Variants in ZNF385D observed in about 807,000 individuals in gnomAD.
ZNF385D encodes the protein zinc finger protein 659.
ZNF385D carries 15 observed loss-of-function variants against 35.8 expected under a neutral mutation model. The observed-to-expected ratio is 0.42, with a 90% CI of 0.28 to 0.64. The LOEUF (loss-of-function observed/expected upper bound fraction) is 0.64. Among genes scored for constraint, ZNF385D ranks in the 30% least tolerant of loss-of-function variants. ZNF385D has a pLI of 0.23. For synonymous variants in ZNF385D, 212 were observed against 186.8 expected, an observed-to-expected ratio of 1.13 and a Z score of -1.10; for missense variants, 474 against 494.6, an observed-to-expected ratio of 0.96 and a Z score of 0.39.
intron 3 of ZNF385D, among the ~76,000 whole-genome samples, chr3:22,106,926 T>C: frequency 6.6e-6 from 1 of 152,130 alleles, no homozygotes; most frequent in South Asian, 2.1e-4. Flanking sequence ...TAGTTATGGT[T>C]AGTTGCTGCT....
At chr3:21,844,722 C>A (rs1258714260) in intron 3 of ZNF385D, among the ~76,000 whole-genome samples, 1 of 151,936 alleles carries the variant, frequency 6.6e-6, no homozygotes, top group African/African-American at 2.4e-5. Flanking sequence ...TTACAATCAG[C>A]AAAATTGCAC....
intron 1 of ZNF385D, among the ~76,000 whole-genome samples, chr3:21,746,595 C>T (rs2069780944): frequency 6.6e-6 from 1 of 152,194 alleles, no homozygotes; most frequent in Admixed American, 6.5e-5. Flanking sequence ...ATGGTCAGGA[C>T]TTCACGCTTT....
intron 5 of ZNF385D, among the ~76,000 whole-genome samples, chr3:21,435,674 A>G (rs1163459792): frequency 6.6e-6 from 1 of 152,202 alleles, no homozygotes; most frequent in Non-Finnish European, 1.5e-5. Flanking sequence ...ATGACCAAGG[A>G]TTCTTGGGAA....
intron 2 of ZNF385D, among the ~76,000 whole-genome samples, chr3:22,259,835 G>T (rs1366641101): frequency 2.1e-5 from 3 of 144,652 alleles, no homozygotes; most frequent in Admixed American, 6.9e-5. Flanking sequence ...ACATAGTGAG[G>T]AAAAAAAAAA....
intron 3 of ZNF385D, among the ~76,000 whole-genome samples, chr3:21,527,058 A>C (rs1049763233): frequency 7.9e-5 from 12 of 152,210 alleles, no homozygotes; most frequent in African/African-American, 2.7e-4. Flanking sequence ...GATGTAGAAA[A>C]TCTTAAAAGT....
chr3:21,936,426 T>C (rs1701261830), intron 3 of ZNF385D, among the ~76,000 whole-genome samples: 1 of 151,992 alleles, frequency 6.6e-6, no homozygotes, highest in Admixed American at 6.6e-5. Flanking sequence ...CATTGTTCTG[T>C]GCAAAGCAGC....
chr3:22,078,152 C>A (rs568170815), intron 3 of ZNF385D, among the ~76,000 whole-genome samples: 2 of 151,918 alleles, frequency 1.3e-5, no homozygotes, highest in African/African-American at 4.8e-5. Flanking sequence ...TTATCGGAAA[C>A]GTCAAACTGG....
At chr3:21,507,539 TAG>T (rs1706871024) in intron 4 of ZNF385D, among the ~76,000 whole-genome samples, 2 of 152,212 alleles carry the variant, frequency 1.3e-5, no homozygotes, top group African/African-American at 4.8e-5. Context: ...TCTTTGATTC[TAG>T]AGTCTTATCT....
chr3:21,987,265 G>A (rs1396071183), intron 3 of ZNF385D, among the ~76,000 whole-genome samples: 13 of 138,980 alleles, frequency 9.4e-5, no homozygotes, highest in Non-Finnish European at 1.7e-4. Flanking sequence ...TCCTAGTCTC[G>A]ATGGTCTTTA....
intron 3 of ZNF385D, among the ~76,000 whole-genome samples, chr3:21,937,188 C>A (rs1701305062): frequency 6.6e-6 from 1 of 151,848 alleles, no homozygotes; most frequent in Non-Finnish European, 1.5e-5. Flanking sequence ...GTATGATATA[C>A]ACTATTTTTT....
intron 2 of ZNF385D, among the ~76,000 whole-genome samples, chr3:22,224,232 T>C (rs920207162): frequency 3.3e-5 from 5 of 152,300 alleles, no homozygotes; most frequent in Admixed American, 6.5e-5. Context: ...TGTTATTTCA[T>C]CCATGAAAAG....
intron 3 of ZNF385D, among the ~76,000 whole-genome samples, chr3:21,920,440 C>T (rs8179942): frequency 0.53 from 81,077 of 151,622 alleles, 23,708 homozygotes; most frequent in South Asian, 0.66. Context: ...ACTTAATGTA[C>T]AGATATTACA....
intron 3 of ZNF385D, among the ~76,000 whole-genome samples, chr3:21,767,801 C>A (rs1457505000): frequency 6.6e-6 from 1 of 151,932 alleles, no homozygotes; most frequent in African/African-American, 2.4e-5. Context: ...ACAAATATGA[C>A]CGTTCTTTTG....
intron 2 of ZNF385D, among the ~76,000 whole-genome samples, chr3:22,250,300 T>C (rs1699997783): frequency 6.6e-6 from 1 of 152,158 alleles, no homozygotes; most frequent in African/African-American, 2.4e-5. Context: ...TATTTATTTT[T>C]CTAATTTTGA....
intron 1 of ZNF385D, among the ~76,000 whole-genome samples, chr3:21,746,397 T>C (rs1161930815): frequency 1.3e-5 from 2 of 152,224 alleles, no homozygotes; most frequent in Admixed American, 6.5e-5. Context: ...GCTTTTAAAA[T>C]AGGAACTTCA....
chr3:22,014,067 T>C (rs1696733636), intron 3 of ZNF385D, among the ~76,000 whole-genome samples: 1 of 152,086 alleles, frequency 6.6e-6, no homozygotes, highest in Non-Finnish European at 1.5e-5. Flanking sequence ...GAAGAAATCT[T>C]TGAGGAAAAT....
At chr3:22,321,171 T>G (rs988968902) in intron 2 of ZNF385D, among the ~76,000 whole-genome samples, 1 of 147,972 alleles carries the variant, frequency 6.8e-6, no homozygotes, top group African/African-American at 2.5e-5. Context: ...CTTGTTTTTT[T>G]TTTTTTTTTT....
At chr3:21,762,406 C>G (rs2070658797) in intron 3 of ZNF385D, among the ~76,000 whole-genome samples, 1 of 152,086 alleles carries the variant, frequency 6.6e-6, no homozygotes, top group Admixed American at 6.5e-5. Flanking sequence ...GTCTGAAATG[C>G]TGCTCATCCT....
chr3:22,328,824 C>A (rs1575129169), intron 2 of ZNF385D, among the ~76,000 whole-genome samples: 2 of 151,652 alleles, frequency 1.3e-5, no homozygotes, highest in African/African-American at 4.8e-5. Context: ...GCCTGTAATC[C>A]CAGCACTTTG....
Sources: allele counts gnomAD v4.1 joint callset (sites outside exome capture counted in the v4.1 genomes callset), GRCh38; gene constraint gnomAD v4.1.1; transcripts MANE v1.5; gene names NCBI Gene and HGNC (gene_info 2026-07-23, HGNC 2026-07-21).